Variants in COL12A1 observed in about 807,000 individuals in gnomAD.
COL12A1 encodes collagen type XII alpha 1 chain, also known as collagen alpha-1(XII) chain.
In COL12A1, 114 loss-of-function variants were observed where a neutral mutation model predicts 349.7. The ratio of observed to expected loss-of-function variants is 0.33; its 90% CI spans 0.28 to 0.38. COL12A1 has a LOEUF of 0.38. Ranked by LOEUF, COL12A1 falls within the 10% of genes least tolerant of loss-of-function variation. The pLI is 1.00. For missense variants in COL12A1, 3,284 were observed against 3,756.9 expected, an observed-to-expected ratio of 0.87 and a Z score of 3.29; for synonymous variants, 1,369 against 1,329.0, an observed-to-expected ratio of 1.03 and a Z score of -0.66.
At chr6:75,181,393 A>G (rs1467008539) in intron 10 of COL12A1, among the ~76,000 whole-genome samples, 182 bp from the exon 11 acceptor site, 2 of 152,244 alleles carry the variant, frequency 1.3e-5, no homozygotes, top group East Asian at 3.9e-4. Context: ...ACAACTTACA[A>G]CCCAACAAGA....
Position 75,156,253 on chromosome 6 carries a change from A to T in COL12A1, c.3250+4T>A. On this transcript the variant is annotated splice_donor_region_variant and intron_variant, in intron 15 of 65. Coordinates refer to ENST00000322507, the MANE Select transcript of COL12A1 (RefSeq NM_004370.6). The stretch of plus-strand genomic sequence containing the variant: ...CCCCTCAAAATATAATTATTATTTC[A>T]TACCTGTTGTTCCTGATCCTTGCCT... 6.2e-7 allele frequency: 1 copy of T among 1,613,452 alleles called. No homozygotes were observed. Among genetic ancestry groups the T allele is most frequent in the Non-Finnish European group, 8.5e-7 (1 of 1,179,612 alleles).
In COL12A1 at chr6:75,183,884, C is replaced by G. The variant is rs757252832; in HGVS notation, c.1258G>C (p.Glu420Gln). ...TGAACTTTCATTGGCTGAGTCTTCTCCATTATTGAAATGGGTTCACTGGAT... is the reference window on the plus strand; with the variant it reads ...TGAACTTTCATTGGCTGAGTCTTCTGCATTATTGAAATGGGTTCACTGGAT... ...MTSSEPISIM[E>Q]KTQPMKVQVE... Residue 420 changes from glutamate (E) to glutamine (Q), a missense_variant, in exon 9 of 66, where the codon GAG (glutamate) becomes CAG (glutamine). Physicochemically the swap from Glu to Gln is conservative, Grantham distance 29 (BLOSUM62 2). Coordinates refer to ENST00000322507, the MANE Select transcript of COL12A1 (RefSeq NM_004370.6). The G allele has an allele frequency of 5.7e-5, 92 of 1,614,066 alleles. No individual in the cohort carries two copies. The highest frequency in any genetic ancestry group is 2.2e-4 in the Admixed American group (13 of 59,996).
intron 28 of COL12A1, 29 bp downstream of exon 28, chr6:75,138,793 C>G: frequency 6.2e-7 from 1 of 1,612,108 alleles, no homozygotes. Flanking sequence ...ACATGAAAGA[C>G]AGAGAGAAAG....
Position 75,175,260 on chromosome 6 carries a change from T to C in COL12A1, c.2488A>G (p.Met830Val), listed in dbSNP as rs1489423171. The change falls in exon 13 of 66, where the codon ATG becomes GTG. Residue 830 changes from methionine (M) to valine (V), a missense_variant. By Grantham distance (21) the Met-to-Val change is conservative. Transcript: ENST00000322507. ...GGTGCCCCACTCCAAGATAATTTCA[T>C]AGTAGACGTCGTAGGGTCAGAAACT... ...LRVSDPTTST[M>V]KLSWSGAPGK... 1.9e-6 allele frequency: 3 copies of C among 1,614,210 alleles called. No homozygotes were observed. Among genetic ancestry groups the C allele is most frequent in the Admixed American group, 3.3e-5 (2 of 60,020 alleles).
intron 1 of COL12A1, among the ~76,000 whole-genome samples, chr6:75,205,007 G>A (rs939141356): frequency 1.3e-5 from 2 of 151,916 alleles, no homozygotes; most frequent in African/African-American, 4.8e-5. Context: ...GCCCGCTTGG[G>A]GGTACCTGTT....
At chr6:75,155,219 C>T (rs181634957) in intron 16 of COL12A1, among the ~76,000 whole-genome samples, 182 of 152,190 alleles carry the variant, frequency 1.2e-3, no homozygotes, top group Non-Finnish European at 1.3e-3. Flanking sequence ...CAAGGTCCTG[C>T]CTTCTTTCTC....
Position 75,138,230 on chromosome 6 carries a change from A to T in COL12A1, c.5251+90T>A, listed in dbSNP as rs149038084. 194 of 1,273,740 alleles carry T rather than the reference A, an allele frequency of 1.5e-4. No homozygotes were observed. The African/African-American group carries it at 2.2e-3, about 14-fold the overall frequency. 78.9% of individuals were successfully genotyped at this position (1,273,740 alleles called of 1,614,324 possible). ...ACATCTTAGGATTTAAAAGCAGATG[A>T]CCTATTTATTATGTATCTTATGGTA... On this transcript the variant is annotated intron_variant, in intron 30 of 65. Coordinates refer to ENST00000322507, the MANE Select transcript of COL12A1 (RefSeq NM_004370.6).
chr6:75,111,198 G>C (rs954042818), intron 51 of COL12A1, among the ~76,000 whole-genome samples: 1 of 151,632 alleles, frequency 6.6e-6, no homozygotes, highest in Non-Finnish European at 1.5e-5. Flanking sequence ...TTAAGGAATG[G>C]AGGAGAAAAA....
Position 75,183,519 on chromosome 6 carries a change from T to C in COL12A1, c.1422A>G (p.Pro474=). 2 of 1,614,178 alleles carry C rather than the reference T, an allele frequency of 1.2e-6. No individual in the cohort carries two copies. Among genetic ancestry groups the C allele is most frequent in the Non-Finnish European group, 1.7e-6 (2 of 1,180,042 alleles). Residue 474 remains proline (P), a synonymous_variant, in exon 10 of 66, where the codon CCA becomes CCG. Transcript: ENST00000322507. ...GCACAAGACTAATCTGGACCCTATT[T>C]GGTGAAATTTCAAAACTTTTTACAA... ...EVLVKSFEIS[P]NRVQISLVQY... is the part of the protein sequence containing the mutation.
Position 75,137,550 on chromosome 6 carries a change from C to T in COL12A1, c.5281G>A (p.Val1761Met), listed in dbSNP as rs756315106. The T allele has an allele frequency of 1.2e-6, 2 of 1,613,786 alleles. No individual in the cohort carries two copies. Among genetic ancestry groups the T allele is most frequent in the Non-Finnish European group, 1.7e-6 (2 of 1,179,850 alleles). Reference sequence around the variant, plus strand: ...AGGCTGTTAGATGTTGCATTGTACACTTGAAGGTTTCGTGGGCCACTTTTG... The same window carrying T: ...AGGCTGTTAGATGTTGCATTGTACATTTGAAGGTTTCGTGGGCCACTTTTG... ...APKSGPRNLQ[V>M]YNATSNSLTV... The change falls in exon 31 of 66, where the codon GTG becomes ATG. Residue 1761 changes from valine to methionine, a missense_variant. This residue lies in a region of COL12A1 where 2,601 missense variants were observed against 2,824.8 expected (regional missense o/e 0.92). Coordinates refer to ENST00000322507, the MANE Select transcript of COL12A1 (RefSeq NM_004370.6).
rs202186932 is a variant in COL12A1, at chr6:75,130,185, T to C, written c.6116A>G (p.Asn2039Ser). ...RNLRVFGETT[N>S]SLSVAWDHAD... ...ATGATCCCAGGCTACCGAGAGGCTA[T>C]TGGTTGTTTCACCAAAGACTCTCAG... is the stretch of plus-strand genomic sequence containing the variant. The change falls in exon 37 of 66, where the codon AAT (asparagine) becomes AGT (serine). Residue 2039 changes from asparagine to serine, a missense_variant. Around this residue, in one of 2 missense-constraint regions of COL12A1, gnomAD observed 2,601 missense variants for 2,824.8 expected, o/e 0.92. Coordinates refer to ENST00000322507, the MANE Select transcript of COL12A1 (RefSeq NM_004370.6). 1.5e-5 allele frequency: 25 copies of C among 1,614,060 alleles called. No individual in the cohort carries two copies. The highest frequency in any genetic ancestry group is 1.7e-4 in the Middle Eastern group (1 of 6,060).
intron 21 of COL12A1, 42 bp downstream of exon 21, chr6:75,151,099 T>TA: frequency 2.7e-6 from 1 of 368,856 alleles, no homozygotes; most frequent in Non-Finnish European, 3.9e-6. Context: ...TGGCCCAAAA[T>TA]ACCAGCAGTG....
At chr6:75,184,284 G>T (rs116842231) in intron 8 of COL12A1, 140 bp from the exon 9 acceptor site, 6 of 913,728 alleles carry the variant, frequency 6.6e-6, no homozygotes, top group Non-Finnish European at 8.0e-6. Context: ...ACCCGCCTCA[G>T]TCCCCAATTT....
At chr6:75,181,546 C>A (rs1249523386) in intron 10 of COL12A1, among the ~76,000 whole-genome samples, 3 of 152,148 alleles carry the variant, frequency 2.0e-5, no homozygotes, top group Non-Finnish European at 4.4e-5. Flanking sequence ...TAAACCATAG[C>A]AGACCTAAAA....
In COL12A1 at chr6:75,152,157, G is replaced by T. The variant is rs762126901; in HGVS notation, c.3809C>A (p.Pro1270Gln). The change falls in exon 19 of 66, where the codon CCG (proline) becomes CAG (glutamine). Residue 1270 changes from proline (P) to glutamine (Q), a missense_variant. Around this residue, in one of 2 missense-constraint regions of COL12A1, gnomAD observed 2,601 missense variants for 2,824.8 expected, o/e 0.92. Coordinates refer to ENST00000322507, the MANE Select transcript of COL12A1 (RefSeq NM_004370.6). ...KSLLQAVANLPYKGGNTLTGM... is the reference protein window; with the variant it reads ...KSLLQAVANLQYKGGNTLTGM... ...TGTGAGAGTATTGCCTCCTTTGTAC[G>T]GCAAGTTTGCCACAGCTTGCAACAA... 6.2e-7 allele frequency: 1 copy of T among 1,613,714 alleles called. No homozygotes were observed. Among genetic ancestry groups the T allele is most frequent in the South Asian group, 1.1e-5 (1 of 91,066 alleles).
intron 14 of COL12A1, among the ~76,000 whole-genome samples, chr6:75,159,722 A>T (rs1176974036): frequency 6.6e-6 from 1 of 151,772 alleles, no homozygotes; most frequent in African/African-American, 2.4e-5. Flanking sequence ...TTTTTAAACG[A>T]ATTTCACACA....
chr6:75,162,666 C>A (rs890640850), intron 14 of COL12A1, among the ~76,000 whole-genome samples: 5 of 152,186 alleles, frequency 3.3e-5, no homozygotes, highest in Non-Finnish European at 7.3e-5. Flanking sequence ...CAAATGGAAT[C>A]TGATTAAACT....
At position 75,198,367 on chromosome 6, in the gene COL12A1, A is replaced by C. The variant is rs1770339520; in HGVS notation, c.74-3420T>G. Among the ~76,000 whole-genome samples, 6 of 151,778 alleles carry C rather than the reference A, an allele frequency of 4.0e-5. No individual in the cohort carries two copies. The South Asian group carries it at 1.2e-3, about 31-fold the overall frequency. On this transcript the variant is annotated intron_variant, in intron 2 of 65. Coordinates refer to ENST00000322507, the MANE Select transcript of COL12A1 (RefSeq NM_004370.6). ...TTTAATATATACGTATTTTTAATATATACCTATATTTGTAAATATAAGCAA... is the reference window on the plus strand; with the variant it reads ...TTTAATATATACGTATTTTTAATATCTACCTATATTTGTAAATATAAGCAA...
At chr6:75,153,705 C>G (rs996991941) in intron 17 of COL12A1, among the ~76,000 whole-genome samples, 2 of 152,072 alleles carry the variant, frequency 1.3e-5, no homozygotes, top group Non-Finnish European at 2.9e-5. Flanking sequence ...TCTTTTTTAG[C>G]AATAATGAAA....
Sources: allele counts gnomAD v4.1 joint callset (sites outside exome capture counted in the v4.1 genomes callset), GRCh38; gene constraint gnomAD v4.1.1; regional missense constraint gnomAD v4.1.1; transcripts MANE v1.5; gene names NCBI Gene and HGNC (gene_info 2026-07-23, HGNC 2026-07-21).